SOS2: variants seen among roughly 807,000 people sequenced by gnomAD.
SOS2 encodes son of sevenless homolog 2.
A neutral mutation model predicts 148.2 loss-of-function variants in SOS2; 65 were observed. That is an observed-to-expected ratio of 0.44 (90% CI 0.36 to 0.54). SOS2 has a LOEUF of 0.54. SOS2 is among the 20% of genes least tolerant of loss of function. The pLI, the probability that SOS2 is intolerant of heterozygous loss-of-function variation, is 0.00. For missense variants in SOS2, 1,341 were observed against 1,590.2 expected (o/e 0.84, Z 2.67); for synonymous variants, 539 against 537.1 (o/e 1.00, Z -0.05).
At chr14:50,193,933 T>C (rs1270805046) in intron 4 of SOS2, among the ~76,000 whole-genome samples, 1 of 152,034 alleles carries the variant, frequency 6.6e-6, no homozygotes, top group Non-Finnish European at 1.5e-5. Flanking sequence ...TTAGTAGAGA[T>C]GGGGTTTCAC....
chr14:50,153,497 T>C (rs1884726844), intron 12 of SOS2, among the ~76,000 whole-genome samples: 1 of 152,246 alleles, frequency 6.6e-6, no homozygotes. Context: ...TTACAAAAGC[T>C]ATTTTAAGTT....
Position 50,118,482 on chromosome 14 carries a change from A to C in SOS2, c.3861T>G (p.Pro1287=). 6.2e-7 allele frequency: 1 copy of C among 1,614,160 alleles called. No individual in the cohort carries two copies. The highest frequency in any genetic ancestry group is 8.5e-7 in the Non-Finnish European group (1 of 1,180,028). ...GCCTTGGTGGAACAGGGGGAGCTGG[A>C]GGATGAGCAAGATTATTCTGACTAG... ...LSSSQNNLAH[P]PAPPVPPRQN... Residue 1287 remains proline, a synonymous_variant, in exon 23 of 23, where the codon CCT becomes CCG. Coordinates refer to ENST00000216373, the MANE Select transcript of SOS2 (RefSeq NM_006939.4).
intron 19 of SOS2, among the ~76,000 whole-genome samples, chr14:50,133,821 TTTTC>T (rs1883986293): frequency 6.6e-6 from 1 of 151,994 alleles, no homozygotes; most frequent in Non-Finnish European, 1.5e-5. Flanking sequence ...TTCCCAGGTC[TTTTC>T]TTTTTTTTTC....
At chr14:50,160,188 A>T in intron 9 of SOS2, 102 bp from the exon 10 acceptor site, 1 of 860,216 alleles carries the variant, frequency 1.2e-6, no homozygotes, top group Non-Finnish European at 1.7e-6. Context: ...AAATAACCAA[A>T]CAGTAGCTTT....
intron 13 of SOS2, among the ~76,000 whole-genome samples, chr14:50,150,623 G>A (rs188675588): frequency 2.1e-4 from 32 of 150,518 alleles, no homozygotes; most frequent in Non-Finnish European, 4.0e-4. Flanking sequence ...GTGCAGTGGC[G>A]CAATCTCAAC....
At chr14:50,139,884 G>T in intron 17 of SOS2, 58 bp downstream of exon 17, 1 of 788,236 alleles carries the variant, frequency 1.3e-6, no homozygotes, top group Non-Finnish European at 2.2e-6. Context: ...TCTGAAGACT[G>T]CTCTCTTTTG....
At chr14:50,125,056 T>C (rs1309643895) in intron 21 of SOS2, among the ~76,000 whole-genome samples, 1 of 152,232 alleles carries the variant, frequency 6.6e-6, no homozygotes, top group African/African-American at 2.4e-5. Context: ...TCCCATAACC[T>C]AGTACCTATA....
chr14:50,159,262 C>T (rs897335417), intron 10 of SOS2, among the ~76,000 whole-genome samples, 169 bp downstream of exon 10: 2 of 152,040 alleles, frequency 1.3e-5, no homozygotes, highest in South Asian at 2.1e-4. Flanking sequence ...AACAATATTA[C>T]ATTTTTAGAC....
At chr14:50,168,179 G>A (rs906103385) in intron 8 of SOS2, among the ~76,000 whole-genome samples, 6 of 152,120 alleles carry the variant, frequency 3.9e-5, no homozygotes, top group East Asian at 3.9e-4. Context: ...GAATAAACCA[G>A]TTCTAAAATG....
intron 16 of SOS2, among the ~76,000 whole-genome samples, chr14:50,143,208 G>A (rs911906276): frequency 7.3e-5 from 11 of 151,154 alleles, no homozygotes; most frequent in Non-Finnish European, 1.5e-4. Flanking sequence ...GCCTGTAATC[G>A]CAGCTACTCA....
chr14:50,220,404 T>G (rs375450093), intron 1 of SOS2, among the ~76,000 whole-genome samples: 2 of 1,822 alleles, frequency 1.1e-3, no homozygotes, highest in South Asian at 3.9e-3. Flanking sequence ...AGACTCCATC[T>G]CAAAAAAAAA....
chr14:50,142,820 G>A (rs1315094253), intron 16 of SOS2, among the ~76,000 whole-genome samples: 1 of 152,116 alleles, frequency 6.6e-6, no homozygotes, highest in African/African-American at 2.4e-5. Context: ...TTATTTCTTT[G>A]CAATTCTGGG....
chr14:50,229,626 T>A (rs563901474), intron 1 of SOS2, among the ~76,000 whole-genome samples: 1 of 152,010 alleles, frequency 6.6e-6, no homozygotes, highest in African/African-American at 2.4e-5. Flanking sequence ...CTGGGCAACA[T>A]AGCATAACCC....
chr14:50,201,398 G>C (rs1256934129), intron 2 of SOS2, among the ~76,000 whole-genome samples: 1 of 151,958 alleles, frequency 6.6e-6, no homozygotes. Context: ...CGGCATGGTG[G>C]TGGTGCATGC....
chr14:50,138,660 C>G lies in SOS2; in HGVS notation c.2910G>C (p.Gln970His), dbSNP rs774124555. The G allele has an allele frequency of 6.3e-7, 1 of 1,581,292 alleles. No homozygotes were observed. Among genetic ancestry groups the G allele is most frequent in the South Asian group, 1.2e-5 (1 of 86,590 alleles). ...RKVAEITGEI[Q>H]QYQNQPYCLR... ...AACAGTAAGGCTGATTCTGATACTG[C>G]TGAATTTCTCCAGTAATTTCAGCTA... is the stretch of plus-strand genomic sequence containing the variant. The change falls in exon 18 of 23, where the codon CAG (glutamine) becomes CAC (histidine). Residue 970 changes from glutamine to histidine, a missense_variant. Coordinates refer to ENST00000216373, the MANE Select transcript of SOS2 (RefSeq NM_006939.4).
At chr14:50,217,683 G>A (rs1261524903) in intron 1 of SOS2, among the ~76,000 whole-genome samples, 2 of 152,164 alleles carry the variant, frequency 1.3e-5, no homozygotes, top group Admixed American at 6.5e-5. Context: ...TTGGCCGGGT[G>A]CGGTGGCTCA....
chr14:50,225,674 C>T (rs957133568), intron 1 of SOS2, among the ~76,000 whole-genome samples: 2 of 152,180 alleles, frequency 1.3e-5, no homozygotes, highest in African/African-American at 4.8e-5. Context: ...TCTACTGTTA[C>T]ATTCAGCGGC....
intron 8 of SOS2, among the ~76,000 whole-genome samples, chr14:50,167,568 C>T (rs1566834855): frequency 6.6e-6 from 1 of 150,892 alleles, no homozygotes; most frequent in Non-Finnish European, 1.5e-5. Flanking sequence ...GCAAATGTTG[C>T]ATAATGTTAA....
intron 7 of SOS2, among the ~76,000 whole-genome samples, chr14:50,174,930 C>G (rs1447930088): frequency 6.6e-6 from 1 of 152,152 alleles, no homozygotes; most frequent in African/African-American, 2.4e-5. Context: ...ATGCTGTATA[C>G]TGTAAATGTG....
Sources: gnomAD v4.1 joint callset for allele counts (sites outside exome capture counted in the v4.1 genomes callset) on GRCh38, gnomAD v4.1.1 for gene constraint, MANE v1.5 for transcripts, NCBI Gene and HGNC (gene_info 2026-07-23, HGNC 2026-07-21) for gene names.